Variants in CNTNAP5 observed in about 807,000 individuals in gnomAD.
The protein encoded by CNTNAP5 is contactin associated protein family member 5.
In CNTNAP5, 72 loss-of-function variants were observed where a neutral mutation model predicts 150.2. The ratio of observed to expected loss-of-function variants is 0.48; its 90% confidence interval spans 0.40 to 0.58. The LOEUF is 0.58. CNTNAP5 is among the 20% of genes least tolerant of loss of function. The probability of loss-of-function intolerance (pLI) is 0.00; values close to 1 mark genes in which losing one functional copy is unlikely to be tolerated. For missense variants in CNTNAP5, 1,636 were observed against 1,626.2 expected, an observed-to-expected ratio of 1.01 and a Z score of -0.10; for synonymous variants, 672 against 619.8, an observed-to-expected ratio of 1.08 and a Z score of -1.25.
chr2:124,119,466 T>A (rs1683509546), intron 1 of CNTNAP5, among the ~76,000 whole-genome samples: 1 of 151,758 alleles, frequency 6.6e-6, no homozygotes, highest in African/African-American at 2.4e-5. Flanking sequence ...AATGGGTAAA[T>A]CTTGTTCTCA....
intron 3 of CNTNAP5, among the ~76,000 whole-genome samples, chr2:124,307,125 C>T (rs1283714058): frequency 6.6e-6 from 1 of 152,166 alleles, no homozygotes; most frequent in Non-Finnish European, 1.5e-5. Flanking sequence ...GAATAACAAA[C>T]ATTTGCCTTT....
At chr2:124,605,726 G>T (rs764682592) in intron 11 of CNTNAP5, among the ~76,000 whole-genome samples, 1 of 143,962 alleles carries the variant, frequency 6.9e-6, no homozygotes, top group Non-Finnish European at 1.5e-5. Context: ...TGAGGCAGGA[G>T]AATTGCTTGG....
chr2:124,378,354 A>AC (rs1690704707), intron 3 of CNTNAP5, among the ~76,000 whole-genome samples: 1 of 151,764 alleles, frequency 6.6e-6, no homozygotes, highest in Non-Finnish European at 1.5e-5. Context: ...TCCTCCACCT[A>AC]CCCCACTCTC....
chr2:124,102,609 C>G (rs1207202757), intron 1 of CNTNAP5, among the ~76,000 whole-genome samples: 1 of 152,194 alleles, frequency 6.6e-6, no homozygotes, highest in African/African-American at 2.4e-5. Context: ...CTGCCTTTCT[C>G]TCTGCCCTCA....
intron 1 of CNTNAP5, among the ~76,000 whole-genome samples, chr2:124,100,769 G>A (rs911172532): frequency 1.3e-5 from 2 of 150,726 alleles, no homozygotes; most frequent in African/African-American, 4.9e-5. Flanking sequence ...GGAGGCTGAG[G>A]CACTAGAATC....
rs1407765125 is a variant in CNTNAP5, at chr2:124,713,233, TTCTTTCTTTCTC to T, written c.2078-33994_2078-33983del. ...TTTCTTTCTCTGTTTCTTTCTTTCT[TTCTTTCTTTCTC>T]TTTCTTTCTTTCTTTCTTTCTTTCT... On this transcript the variant is annotated intron_variant, in intron 13 of 23. Coordinates refer to ENST00000682447, the MANE Select transcript of CNTNAP5 (RefSeq NM_001367498.1). Among the ~76,000 whole-genome samples, 7 of 48,530 alleles carry T rather than the reference TTCTTTCTTTCTC, an allele frequency of 1.4e-4. 2 individuals carry two copies. The highest frequency in any genetic ancestry group is 5.0e-4 in the African/African-American group (7 of 14,134). 31.8% of individuals were successfully genotyped at this position (48,530 alleles called of 152,430 possible).
intron 1 of CNTNAP5, among the ~76,000 whole-genome samples, chr2:124,167,304 T>C (rs781171942): frequency 6.6e-5 from 10 of 152,160 alleles, no homozygotes; most frequent in Admixed American, 1.3e-4. Flanking sequence ...ATTTAATGTA[T>C]TTTCACATGT....
intron 11 of CNTNAP5, among the ~76,000 whole-genome samples, chr2:124,584,498 A>T (rs1268506327): frequency 6.6e-6 from 1 of 152,188 alleles, no homozygotes; most frequent in African/African-American, 2.4e-5. Context: ...AGCTCATGGC[A>T]TATTTGTTCA....
At chr2:124,184,243 G>A (rs1685275645) in intron 1 of CNTNAP5, among the ~76,000 whole-genome samples, 1 of 152,134 alleles carries the variant, frequency 6.6e-6, no homozygotes, top group Non-Finnish European at 1.5e-5. Context: ...AAGAATGGAA[G>A]GAGACAAAGC....
chr2:124,832,504 C>A (rs1268732467), intron 19 of CNTNAP5, among the ~76,000 whole-genome samples: 1 of 151,964 alleles, frequency 6.6e-6, no homozygotes, highest in Non-Finnish European at 1.5e-5. Flanking sequence ...AAATTGGAAC[C>A]TTTTTCCATG....
At chr2:124,458,525 G>A (rs959545013) in intron 6 of CNTNAP5, among the ~76,000 whole-genome samples, 28 of 151,628 alleles carry the variant, frequency 1.8e-4, no homozygotes, top group African/African-American at 6.5e-4. Context: ...AGGGGAAAGC[G>A]TGGGAAGGGA....
chr2:124,713,465 C>T (rs1017380927), intron 13 of CNTNAP5, among the ~76,000 whole-genome samples: 3 of 150,694 alleles, frequency 2.0e-5, no homozygotes, highest in East Asian at 2.0e-4. Context: ...GAAACCTCCA[C>T]CTCTCCGGTT....
At position 124,150,302 on chromosome 2, in the gene CNTNAP5, T is replaced by C. The variant is rs144461372; in HGVS notation, c.83-71403T>C. Among the ~76,000 whole-genome samples the C allele has an allele frequency of 2.6e-5, 4 of 152,304 alleles. No homozygotes were observed. The East Asian group carries it at 5.8e-4, about 22-fold the overall frequency. ...TAGTTCCAAACATGCCCAAGGTGTA[T>C]ATCCCAGCCTCTGTTTATCGATTTT... On this transcript the variant is annotated intron_variant, in intron 1 of 23. Transcript: ENST00000682447.
intron 1 of CNTNAP5, among the ~76,000 whole-genome samples, chr2:124,101,112 T>C (rs11123020): frequency 0.9 from 137,098 of 152,140 alleles, 62,068 homozygotes; most frequent in Admixed American, 0.94. Flanking sequence ...TGAGGAGATA[T>C]GCGAATGCTT....
chr2:124,208,598 G>C (rs1004474785), intron 1 of CNTNAP5, among the ~76,000 whole-genome samples: 1 of 152,092 alleles, frequency 6.6e-6, no homozygotes, highest in East Asian at 1.9e-4. Flanking sequence ...AGAAAGCAGA[G>C]ACATCCATCA....
chr2:124,139,488 C>T (rs1281660519), intron 1 of CNTNAP5, among the ~76,000 whole-genome samples: 2 of 152,142 alleles, frequency 1.3e-5, no homozygotes, highest in African/African-American at 4.8e-5. Flanking sequence ...GTGTAGACTT[C>T]TCCCAGTTCC....
intron 21 of CNTNAP5, among the ~76,000 whole-genome samples, chr2:124,895,970 T>G (rs1043189157): frequency 6.6e-6 from 1 of 151,508 alleles, no homozygotes; most frequent in Admixed American, 6.6e-5. Flanking sequence ...CCATGCCTTG[T>G]AAGGCTTGTG....
chr2:124,462,397 A>G (rs952269380), intron 6 of CNTNAP5, among the ~76,000 whole-genome samples: 2 of 152,320 alleles, frequency 1.3e-5, no homozygotes, highest in Middle Eastern at 6.8e-3. Flanking sequence ...TTCAAGTTTT[A>G]TGTGAGTGAA....
intron 5 of CNTNAP5, among the ~76,000 whole-genome samples, chr2:124,439,864 T>C (rs1370129252): frequency 6.6e-6 from 1 of 152,186 alleles, no homozygotes; most frequent in Non-Finnish European, 1.5e-5. Flanking sequence ...TTTACTTTTC[T>C]ACAGCTCCCT....
Sources: gnomAD v4.1 joint callset for allele counts (sites outside exome capture counted in the v4.1 genomes callset) on GRCh38, gnomAD v4.1.1 for gene constraint, MANE v1.5 for transcripts, NCBI Gene and HGNC (gene_info 2026-07-23, HGNC 2026-07-21) for gene names.